The following CRYBA1 variants were observed in gnomAD, a reference collection of about 807,000 sequenced individuals.
The protein encoded by CRYBA1 is crystallin beta A1.
CRYBA1 carries 25 observed loss-of-function variants against 36.2 expected under a neutral mutation model. That is an observed-to-expected ratio of 0.69 (90% CI 0.50 to 0.97). CRYBA1 has a LOEUF of 0.97. Ranked by LOEUF, CRYBA1 falls within the 50% of genes least tolerant of loss-of-function variation. The probability of loss-of-function intolerance (pLI) is 0.00; values close to 1 mark genes in which losing one functional copy is unlikely to be tolerated. For synonymous variants in CRYBA1, 111 were observed against 90.0 expected, an observed-to-expected ratio of 1.23 and a Z score of -1.32; for missense variants, 224 against 276.3, an observed-to-expected ratio of 0.81 and a Z score of 1.34.
Position 29,254,310 on chromosome 17 carries a change from G to A in CRYBA1, c.609G>A (p.Gln203=), listed in dbSNP as rs1370398826. 6.2e-7 allele frequency: 1 copy of A among 1,614,162 alleles called. No individual in the cohort carries two copies. The change falls in exon 6 of 6, where the codon CAG becomes CAA. Residue 203 remains glutamine (Q), a synonymous_variant. Coordinates refer to ENST00000225387, the MANE Select transcript of CRYBA1 (RefSeq NM_005208.5). The part of the protein sequence containing the change: ...KHWREWGSHA[Q]TSQIQSIRRI... ...GGAGAGAGTGGGGCTCTCATGCCCA[G>A]ACTTCGCAGATCCAATCGATTCGCC...
chr17:29,249,227 TC>T, intron 2 of CRYBA1, 21 bp downstream of exon 2: 1 of 1,545,600 alleles, frequency 6.5e-7, no homozygotes, highest in Non-Finnish European at 8.9e-7. Context: ...CCCCATCACA[TC>T]CAACAGGGCA....
At chr17:29,252,380 CCA>C (rs1245055802) in intron 4 of CRYBA1, among the ~76,000 whole-genome samples, 175 bp downstream of exon 4, 2 of 152,172 alleles carry the variant, frequency 1.3e-5, no homozygotes, top group African/African-American at 4.8e-5. Flanking sequence ...TGATTTTTCT[CCA>C]CCAGGTGGTA....
In CRYBA1 at chr17:29,253,771, A is replaced by T. The variant is rs2068950678; in HGVS notation, c.489A>T (p.Ile163=). 1 of 1,614,108 alleles carries T rather than the reference A, an allele frequency of 6.2e-7. No homozygotes were observed. ...WFNNEVGSMK[I]QSGAWVCYQY... ...ACAACGAAGTCGGCTCCATGAAGAT[A>T]CAAAGTGGGGCGTAAGTACAAAAAC... is the stretch of plus-strand genomic sequence containing the variant. Residue 163 remains isoleucine, a synonymous_variant, in exon 5 of 6, where the codon ATA becomes ATT. Transcript: ENST00000225387.
At chr17:29,250,108 A>G (rs2068926196) in intron 2 of CRYBA1, 74 bp from the exon 3 acceptor site, 1 of 855,230 alleles carries the variant, frequency 1.2e-6, no homozygotes, top group Non-Finnish European at 2.0e-6. Context: ...AGTCAGACTG[A>G]AGTTAAGCTG....
At chr17:29,253,925 A>G in intron 5 of CRYBA1, 143 bp downstream of exon 5, 2 of 1,163,558 alleles carry the variant, frequency 1.7e-6, no homozygotes, top group Non-Finnish European at 2.5e-6. Context: ...ATTTCTTTAT[A>G]CCAACTACCA....
intron 3 of CRYBA1, among the ~76,000 whole-genome samples, chr17:29,251,759 G>A (rs530585024): frequency 9.8e-5 from 15 of 152,308 alleles, no homozygotes; most frequent in East Asian, 5.8e-4. Flanking sequence ...AACTACAGGC[G>A]TGAGACACCA....
chr17:29,247,282 A>G (rs2068906588), intron 1 of CRYBA1, among the ~76,000 whole-genome samples: 1 of 152,154 alleles, frequency 6.6e-6, no homozygotes, highest in Admixed American at 6.5e-5. Context: ...TAAGAAACCT[A>G]ATACACACCT....
At chr17:29,252,262 G>C in intron 4 of CRYBA1, 57 bp downstream of exon 4, 1 of 1,606,070 alleles carries the variant, frequency 6.2e-7, no homozygotes. Flanking sequence ...AGAGGGTGTG[G>C]ACAGACTGAC....
intron 2 of CRYBA1, 114 bp from the exon 3 acceptor site, chr17:29,250,068 C>G: frequency 1.3e-6 from 1 of 774,234 alleles, no homozygotes; most frequent in Admixed American, 1.7e-5. Flanking sequence ...ATCAGGCATC[C>G]CAGGCTACAG....
chr17:29,251,213 C>T (rs1318718293), intron 3 of CRYBA1, among the ~76,000 whole-genome samples: 5 of 152,176 alleles, frequency 3.3e-5, no homozygotes, highest in Non-Finnish European at 7.3e-5. Flanking sequence ...TTGGCTTGAG[C>T]CAAAGCAATA....
intron 4 of CRYBA1, among the ~76,000 whole-genome samples, chr17:29,252,705 T>C (rs534828246): frequency 1.3e-5 from 2 of 152,324 alleles, no homozygotes; most frequent in East Asian, 1.9e-4. Flanking sequence ...GGCTGGGATG[T>C]TTCTGGTCTT....
At chr17:29,253,389 T>A (rs1241993251) in intron 4 of CRYBA1, among the ~76,000 whole-genome samples, 1 of 152,248 alleles carries the variant, frequency 6.6e-6, no homozygotes, top group Non-Finnish European at 1.5e-5. Flanking sequence ...TAGTACTTTT[T>A]CTCACTGTCA....
intron 5 of CRYBA1, 21 bp from the exon 6 acceptor site, chr17:29,254,181 A>C: frequency 1.2e-6 from 2 of 1,613,738 alleles, no homozygotes; most frequent in South Asian, 2.2e-5. Flanking sequence ...TTAATAATGA[A>C]ATGTACTTTG....
rs187507794 is a variant in CRYBA1 at position 29,254,116 on chromosome 17, T to C, written c.501-86T>C. On this transcript the variant is annotated intron_variant, in intron 5 of 5. Transcript: ENST00000225387. ...TAAGCCTAAAAGCATCTCATACCAT[T>C]GTGTTGAGTAAAGAGGCTCAGGTTT... The C allele has an allele frequency of 9.1e-4, 1,288 of 1,414,264 alleles. 2 individuals are homozygous for C. The highest frequency in any genetic ancestry group is 1.2e-3 in the Non-Finnish European group (1,215 of 1,008,734). The allele number at this position is 1,414,264 out of a possible 1,614,324, so 87.6% of individuals were successfully genotyped here. A position where few individuals can be genotyped will look rare whatever the true frequency, so the allele number is the denominator to read the frequency against.
intron 3 of CRYBA1, among the ~76,000 whole-genome samples, chr17:29,251,496 A>AAAAT (rs1307604026): frequency 2.0e-5 from 3 of 148,148 alleles, no homozygotes; most frequent in Non-Finnish European, 3.0e-5. Flanking sequence ...AGAAAAAAAA[A>AAAAT]TTTTTTTTTT....
intron 3 of CRYBA1, among the ~76,000 whole-genome samples, chr17:29,251,403 G>A (rs2068934685): frequency 6.6e-6 from 1 of 152,164 alleles, no homozygotes; most frequent in Non-Finnish European, 1.5e-5. Flanking sequence ...TGAGCTGCAT[G>A]CAGCCCTTGG....
In CRYBA1 at chr17:29,252,119, G is replaced by A; in HGVS notation, c.271G>A (p.Gly91Arg). Reference sequence around the variant, plus strand: ...TGGGCAACAGTTTATCCTGGAGAGAGGAGAATACCCTCGCTGGGATGCCTG... The same window carrying A: ...TGGGCAACAGTTTATCCTGGAGAGAAGAGAATACCCTCGCTGGGATGCCTG... ...FCGQQFILER[G>R]EYPRWDAWSG... Residue 91 changes from glycine (G) to arginine (R), a missense_variant, in exon 4 of 6, where the codon GGA (glycine) becomes AGA (arginine). Transcript: ENST00000225387. The A allele has an allele frequency of 1.2e-6, 2 of 1,614,184 alleles. No individual in the cohort carries two copies. Among genetic ancestry groups the A allele is most frequent in the Non-Finnish European group, 1.7e-6 (2 of 1,180,028 alleles).
In CRYBA1 at chr17:29,254,192, A is replaced by G. The variant is rs1161138707; in HGVS notation, c.501-10A>G. 1 of 1,613,916 alleles carries G rather than the reference A, an allele frequency of 6.2e-7. No individual in the cohort carries two copies. The highest frequency in any genetic ancestry group is 8.5e-7 in the Non-Finnish European group (1 of 1,179,992). ...AGTTTTAATAATGAAATGTACTTTG[A>G]ATTTCCTAGCTGGGTTTGCTACCAA... On this transcript the variant is annotated splice_polypyrimidine_tract_variant and intron_variant, in intron 5 of 5. Coordinates refer to ENST00000225387, the MANE Select transcript of CRYBA1 (RefSeq NM_005208.5).
chr17:29,253,641 A>T lies in CRYBA1; in HGVS notation c.359A>T (p.Asn120Ile), dbSNP rs369014088. The change falls in exon 5 of 6, where the codon AAT (asparagine) becomes ATT (isoleucine). Residue 120 changes from asparagine (N) to isoleucine (I), a missense_variant and splice_region_variant. Asn to Ile is a moderately radical substitution (Grantham distance 149, BLOSUM62 -3). Transcript: ENST00000225387. ...LMSFRPICSANHKESKMTIFE... is the reference protein window; with the variant it reads ...LMSFRPICSAIHKESKMTIFE... Reference sequence around the variant, plus strand: ...TTTAAAACAATTTCTGAATTACAGAATCATAAGGAGTCTAAGATGACCATC... The same window carrying T: ...TTTAAAACAATTTCTGAATTACAGATTCATAAGGAGTCTAAGATGACCATC... 2.9e-5 allele frequency: 46 copies of T among 1,612,676 alleles called. No homozygotes were observed. The African/African-American group carries it at 5.3e-4, about 19-fold the overall frequency.
Sources: gnomAD v4.1 joint callset for allele counts (sites outside exome capture counted in the v4.1 genomes callset) on GRCh38, gnomAD v4.1.1 for gene constraint, MANE v1.5 for transcripts, NCBI Gene and HGNC (gene_info 2026-07-23, HGNC 2026-07-21) for gene names.